PHACTR1: variants seen among roughly 807,000 people sequenced by gnomAD.
PHACTR1 encodes the protein phosphatase and actin regulator 1, also known as RPEL repeat containing 1.
PHACTR1 carries 16 observed loss-of-function variants against 69.2 expected under a neutral mutation model. The observed-to-expected ratio is 0.23, with a 90% CI of 0.16 to 0.35. The LOEUF is 0.35. PHACTR1 is among the 10% of genes least tolerant of loss of function. The pLI is 1.00. For synonymous variants in PHACTR1, 312 were observed against 284.5 expected, an observed-to-expected ratio of 1.10 and a Z score of -0.97; for missense variants, 510 against 734.7, an observed-to-expected ratio of 0.69 and a Z score of 3.54.
chr6:12,909,488 A>G (rs774741798), intron 4 of PHACTR1, among the ~76,000 whole-genome samples: 1 of 152,242 alleles, frequency 6.6e-6, no homozygotes, highest in East Asian at 1.9e-4. Flanking sequence ...TTTTGTAATT[A>G]CACTAATTGA....
intron 4 of PHACTR1, among the ~76,000 whole-genome samples, chr6:13,003,838 G>A (rs951715102): frequency 2.0e-5 from 3 of 150,712 alleles, no homozygotes; most frequent in Admixed American, 2.0e-4. Context: ...GAGAACATGT[G>A]GTATTTGACT....
chr6:12,812,918 G>C (rs993524248), intron 4 of PHACTR1, among the ~76,000 whole-genome samples: 1 of 152,218 alleles, frequency 6.6e-6, no homozygotes, highest in Admixed American at 6.5e-5. Flanking sequence ...CTCTTCAGCT[G>C]TGTTTAAACC....
intron 4 of PHACTR1, among the ~76,000 whole-genome samples, chr6:13,037,121 TCTCTG>T (rs1484534161): frequency 2.0e-5 from 3 of 152,162 alleles, no homozygotes; most frequent in African/African-American, 7.2e-5. Context: ...ACCCCATGAT[TCTCTG>T]CTCTGCCCAC....
chr6:12,914,070 G>A (rs1229450960), intron 4 of PHACTR1, among the ~76,000 whole-genome samples: 1 of 152,190 alleles, frequency 6.6e-6, no homozygotes, highest in Non-Finnish European at 1.5e-5. Context: ...CCAGATTCAA[G>A]CAATTCTCCT....
intron 4 of PHACTR1, among the ~76,000 whole-genome samples, chr6:12,900,894 C>T (rs1178053056): frequency 2.6e-5 from 4 of 152,106 alleles, no homozygotes; most frequent in Non-Finnish European, 5.9e-5. Flanking sequence ...TTTCATTGCT[C>T]AGGTAAGTGT....
chr6:13,213,133 T>C (rs1767135169), intron 8 of PHACTR1, among the ~76,000 whole-genome samples: 1 of 152,054 alleles, frequency 6.6e-6, no homozygotes, highest in Non-Finnish European at 1.5e-5. Flanking sequence ...AATAACTGAA[T>C]GAATGGAGAG....
At chr6:12,848,919 CT>C (rs72267070) in intron 4 of PHACTR1, among the ~76,000 whole-genome samples, 144 of 145,824 alleles carry the variant, frequency 9.9e-4, no homozygotes, top group African/African-American at 1.3e-3. Context: ...GGAAATCAGA[CT>C]TTTTTTTTTT....
rs375096004 is a variant in PHACTR1, at chr6:13,147,182, G to A, written c.416-13022G>A. Among the ~76,000 whole-genome samples the A allele has an allele frequency of 5.3e-5, 8 of 152,224 alleles. No individual in the cohort carries two copies. The East Asian group carries it at 9.6e-4, about 18-fold the overall frequency. ...GTTTTACCACGTTCCCATAATAAGG[G>A]ACCAATAAATGGAGACGGAATTATT... On this transcript the variant is annotated intron_variant, in intron 5 of 14. Transcript: ENST00000332995.
In PHACTR1 at chr6:13,142,947, C is replaced by T. The variant is rs115241776; in HGVS notation, c.416-17257C>T. On this transcript the variant is annotated intron_variant, in intron 5 of 14. Transcript: ENST00000332995. ...AGCTTCCTTCATTAATGAAGTCTCCCGGATATTTAATAATGAAATAATATT... is the reference window on the plus strand; with the variant it reads ...AGCTTCCTTCATTAATGAAGTCTCCTGGATATTTAATAATGAAATAATATT... Among the ~76,000 whole-genome samples the T allele has an allele frequency of 3.6e-3, 553 of 152,154 alleles. 3 individuals are homozygous for T. Among genetic ancestry groups the T allele is most frequent in the African/African-American group, 0.013 (528 of 41,506 alleles).
chr6:12,749,957 A>C (rs947525915), intron 4 of PHACTR1, among the ~76,000 whole-genome samples, 167 bp downstream of exon 4: 2 of 152,034 alleles, frequency 1.3e-5, no homozygotes, highest in African/African-American at 4.8e-5. Flanking sequence ...TGTGCGAGCT[A>C]CGGGGTGGGG....
intron 4 of PHACTR1, among the ~76,000 whole-genome samples, chr6:13,031,162 T>C (rs560159787): frequency 1.3e-5 from 2 of 152,356 alleles, no homozygotes; most frequent in East Asian, 1.9e-4. Context: ...TAATAACTTA[T>C]TCATATTGGA....
intron 10 of PHACTR1, among the ~76,000 whole-genome samples, chr6:13,238,179 G>A (rs773952043): frequency 3.3e-5 from 5 of 152,216 alleles, no homozygotes; most frequent in African/African-American, 4.8e-5. Flanking sequence ...CCCACAGCCT[G>A]GGAATCAGAC....
intron 5 of PHACTR1, among the ~76,000 whole-genome samples, chr6:13,115,255 A>G (rs979501005): frequency 6.6e-6 from 1 of 152,196 alleles, no homozygotes; most frequent in African/African-American, 2.4e-5. Flanking sequence ...TGTTTGGTTG[A>G]AGACTTACAT....
At chr6:12,726,402 G>T (rs1057434302) in intron 3 of PHACTR1, among the ~76,000 whole-genome samples, 2 of 152,286 alleles carry the variant, frequency 1.3e-5, no homozygotes, top group Non-Finnish European at 2.9e-5. Flanking sequence ...GCTCTGAGCT[G>T]CACCTTGAGA....
At chr6:13,284,307 C>A (rs1268113893) in intron 13 of PHACTR1, among the ~76,000 whole-genome samples, 1 of 151,726 alleles carries the variant, frequency 6.6e-6, no homozygotes, top group Non-Finnish European at 1.5e-5. Flanking sequence ...CACTTGAGGT[C>A]AGGAGTTCAA....
intron 5 of PHACTR1, among the ~76,000 whole-genome samples, chr6:13,142,854 G>A (rs574334545): frequency 1.3e-5 from 2 of 151,374 alleles, no homozygotes; most frequent in African/African-American, 2.4e-5. Flanking sequence ...AAGAAAACAC[G>A]ACTACTATAC....
intron 4 of PHACTR1, among the ~76,000 whole-genome samples, chr6:12,830,897 C>G (rs1223558715): frequency 1.3e-5 from 2 of 151,936 alleles, no homozygotes; most frequent in South Asian, 4.2e-4. Flanking sequence ...TACCTGGCCT[C>G]AAAAAATTTT....
At chr6:13,070,910 T>TA (rs1273298798) in intron 5 of PHACTR1, among the ~76,000 whole-genome samples, 6 of 151,470 alleles carry the variant, frequency 4.0e-5, no homozygotes, top group African/African-American at 1.5e-4. Context: ...TTGAAGGAGA[T>TA]AGAGAAATAA....
chr6:13,073,991 G>A (rs941134578), intron 5 of PHACTR1, among the ~76,000 whole-genome samples: 12 of 151,706 alleles, frequency 7.9e-5, no homozygotes, highest in Middle Eastern at 3.4e-3. Flanking sequence ...TCCTGCCTCA[G>A]CCTCCCGAGT....
Sources: gnomAD v4.1 joint callset for allele counts (sites outside exome capture counted in the v4.1 genomes callset) on GRCh38, gnomAD v4.1.1 for gene constraint, MANE v1.5 for transcripts, NCBI Gene and HGNC (gene_info 2026-07-23, HGNC 2026-07-21) for gene names.